The following LYVE1 variants were observed in gnomAD, a reference collection of about 807,000 sequenced individuals.
LYVE1 encodes lymphatic vessel endothelial hyaluronan receptor 1.
Under a neutral mutation model 31.5 loss-of-function variants are expected in LYVE1, and 29 were observed. The ratio of observed to expected loss-of-function variants is 0.92; its 90% CI spans 0.69 to 1.26. The LOEUF is 1.26. LYVE1 is among the 50% of genes most tolerant of loss of function. The probability of loss-of-function intolerance (pLI) is 0.00; values close to 1 mark genes in which losing one functional copy is unlikely to be tolerated. For missense variants in LYVE1, 376 were observed against 380.2 expected, an observed-to-expected ratio of 0.99 and a Z score of 0.09; for synonymous variants, 134 against 139.4, an observed-to-expected ratio of 0.96 and a Z score of 0.27.
chr11:10,560,421 A>G, intron 4 of LYVE1, 74 bp downstream of exon 4: 1 of 1,344,698 alleles, frequency 7.4e-7, no homozygotes, highest in Non-Finnish European at 1.0e-6. Flanking sequence ...ATCTAAAGAC[A>G]GGCAGGATTC....
chr11:10,563,495 T>C (rs1850473430), intron 3 of LYVE1, among the ~76,000 whole-genome samples: 1 of 152,174 alleles, frequency 6.6e-6, no homozygotes, highest in African/African-American at 2.4e-5. Flanking sequence ...TGTGTGTAGG[T>C]TATATGCAAA....
chr11:10,560,147 C>G (rs1406318194), intron 4 of LYVE1, among the ~76,000 whole-genome samples: 1 of 152,200 alleles, frequency 6.6e-6, no homozygotes, highest in Non-Finnish European at 1.5e-5. Context: ...TTGAGACCTA[C>G]TCTAGTCAAC....
In LYVE1 at chr11:10,558,904, T is replaced by C. The variant is rs1033821012; in HGVS notation, c.*207A>G. ...GTGGGAAGCTTTGGAGGTAGGAGGA[T>C]AGGATCCAGACAGGGTTACAATAAG... On this transcript the variant is annotated 3_prime_UTR_variant, in exon 6 of 6. Transcript: ENST00000256178. 2.0e-6 allele frequency: 1 copy of C among 507,978 alleles called. No individual in the cohort carries two copies. The allele number at this position is 507,978 out of a possible 1,614,324, so 31.5% of individuals were successfully genotyped here.
intron 3 of LYVE1, among the ~76,000 whole-genome samples, 184 bp downstream of exon 3, chr11:10,563,756 C>T (rs1006219890): frequency 6.6e-6 from 1 of 152,186 alleles, no homozygotes; most frequent in Admixed American, 6.5e-5. Context: ...TATATCTCTC[C>T]TAACTTTTTC....
rs1353253074 is a variant in LYVE1, at chr11:10,557,588, C to G, written c.*1523G>C. ...TCAAAAGTGAGACGAATGAGCCATC[C>G]TGGATCTCTGGCTCCCTGGTGAATT... On this transcript the variant is annotated 3_prime_UTR_variant, in exon 6 of 6. Coordinates refer to ENST00000256178, the MANE Select transcript of LYVE1 (RefSeq NM_006691.4). 2 of 152,174 alleles carry G rather than the reference C, an allele frequency of 1.3e-5. No individual in the cohort carries two copies. The highest frequency in any genetic ancestry group is 1.5e-5 in the Non-Finnish European group (1 of 68,066). 9.4% of individuals were successfully genotyped at this position (152,174 alleles called of 1,614,324 possible).
At position 10,559,039 on chromosome 11, in the gene LYVE1, T is replaced by G; in HGVS notation, c.*72A>C. ...TCTTTGGTTCTTTGGCCCTTTTGAT[T>G]TCCCCAGCTGGGGCAGGGTAAGGAG... On this transcript the variant is annotated 3_prime_UTR_variant, in exon 6 of 6. Coordinates refer to ENST00000256178, the MANE Select transcript of LYVE1 (RefSeq NM_006691.4). 2 of 1,428,880 alleles carry G rather than the reference T, an allele frequency of 1.4e-6. No homozygotes were observed. The highest frequency in any genetic ancestry group is 1.9e-6 in the Non-Finnish European group (2 of 1,044,918). The allele number at this position is 1,428,880 out of a possible 1,614,324, so 88.5% of individuals were successfully genotyped here. A position where few individuals can be genotyped will look rare whatever the true frequency, so the allele number is the denominator to read the frequency against.
chr11:10,557,223 TGTG>T lies in LYVE1; in HGVS notation c.*1885_*1887del, dbSNP rs1159582400. ...GTGTGCAACAGAGAGTCATGAGGAC[TGTG>T]GTGAAACAAAAAGAGCAGACCCCAT... On this transcript the variant is annotated 3_prime_UTR_variant, in exon 6 of 6. Transcript: ENST00000256178. The T allele has an allele frequency of 1.3e-5, 2 of 152,148 alleles. No individual in the cohort carries two copies. The highest frequency in any genetic ancestry group is 2.9e-5 in the Non-Finnish European group (2 of 68,030). 9.4% of individuals were successfully genotyped at this position (152,148 alleles called of 1,614,324 possible). A position where few individuals can be genotyped will look rare whatever the true frequency, so the allele number is the denominator to read the frequency against.
intron 3 of LYVE1, 52 bp from the exon 4 acceptor site, chr11:10,560,852 G>C (rs1443443090): frequency 2.1e-6 from 3 of 1,435,028 alleles, no homozygotes; most frequent in Non-Finnish European, 2.9e-6. Flanking sequence ...CCTCCTAACT[G>C]TTCTTCTTGC....
chr11:10,567,872 A>T (rs183346585), intron 1 of LYVE1, among the ~76,000 whole-genome samples: 1,782 of 152,334 alleles, frequency 0.012, 18 homozygotes, highest in Non-Finnish European at 0.018. Flanking sequence ...TCAAAATTAA[A>T]ATAATTATGC....
At chr11:10,566,858 C>A (rs1298801591) in intron 1 of LYVE1, among the ~76,000 whole-genome samples, 1 of 152,086 alleles carries the variant, frequency 6.6e-6, no homozygotes, top group African/African-American at 2.4e-5. Context: ...CTAGCAGAGG[C>A]GGGGCCCAGT....
chr11:10,560,053 T>C (rs905225712), intron 4 of LYVE1, among the ~76,000 whole-genome samples, 159 bp from the exon 5 acceptor site: 1 of 152,194 alleles, frequency 6.6e-6, no homozygotes, highest in African/African-American at 2.4e-5. Flanking sequence ...CTTTGCTTCA[T>C]GCTTGTAGAA....
In LYVE1 at chr11:10,559,019, G is replaced by C. The variant is rs1591512031; in HGVS notation, c.*92C>G. The C allele has an allele frequency of 4.2e-6, 5 of 1,204,034 alleles. No homozygotes were observed. The African/African-American group carries it at 4.6e-5, about 11-fold the overall frequency. 74.6% of individuals were successfully genotyped at this position (1,204,034 alleles called of 1,614,324 possible). On this transcript the variant is annotated 3_prime_UTR_variant, in exon 6 of 6. Transcript: ENST00000256178. The stretch of plus-strand genomic sequence containing the variant: ...GAACCAAGGGTGGACTTTCTTCTTT[G>C]GTTCTTTGGCCCTTTTGATTTCCCC...
chr11:10,561,312 C>T (rs186527417), intron 3 of LYVE1, among the ~76,000 whole-genome samples: 30 of 152,300 alleles, frequency 2.0e-4, no homozygotes, highest in East Asian at 7.7e-4. Context: ...GCAGAAACCC[C>T]GTCTGTCTTG....
chr11:10,565,256 A>AC (rs756496536), intron 1 of LYVE1, among the ~76,000 whole-genome samples: 2 of 152,194 alleles, frequency 1.3e-5, no homozygotes, highest in Non-Finnish European at 2.9e-5. Context: ...ATGATTGATT[A>AC]CCCCACAGAA....
At chr11:10,559,915 G>A (rs761422124) in intron 4 of LYVE1, 21 bp from the exon 5 acceptor site, 1 of 1,562,514 alleles carries the variant, frequency 6.4e-7, no homozygotes, top group East Asian at 2.2e-5. Flanking sequence ...CAGAGACAAG[G>A]CCTGTTGGTC....
chr11:10,560,907 G>C, intron 3 of LYVE1, 107 bp from the exon 4 acceptor site: 1 of 914,728 alleles, frequency 1.1e-6, no homozygotes. Context: ...CAGCTGGAAT[G>C]GTCTTTAAAA....
rs549348229 is a variant in LYVE1 at position 10,559,060 on chromosome 11, A to G, written c.*51T>C. Reference sequence around the variant, plus strand: ...TGATTTCCCCAGCTGGGGCAGGGTAAGGAGCATGAAAGAAACCAGCCTCAG... The same window carrying G: ...TGATTTCCCCAGCTGGGGCAGGGTAGGGAGCATGAAAGAAACCAGCCTCAG... On this transcript the variant is annotated 3_prime_UTR_variant, in exon 6 of 6. Coordinates refer to ENST00000256178, the MANE Select transcript of LYVE1 (RefSeq NM_006691.4). 6.5e-7 allele frequency: 1 copy of G among 1,545,850 alleles called. No individual in the cohort carries two copies. Among genetic ancestry groups the G allele is most frequent in the African/African-American group, 1.4e-5 (1 of 72,746 alleles).
chr11:10,567,066 CAGAT>C (rs1169638717), intron 1 of LYVE1, among the ~76,000 whole-genome samples: 2 of 152,198 alleles, frequency 1.3e-5, no homozygotes, highest in Admixed American at 6.5e-5. Flanking sequence ...GCTTAGGAAT[CAGAT>C]AGGGCTGAAT....
In LYVE1 at chr11:10,560,603, AT is replaced by A. The variant is rs1241350290; in HGVS notation, c.594del (p.Lys198AsnfsTer2). 3.1e-6 allele frequency: 5 copies of A among 1,614,102 alleles called. No homozygotes were observed. The highest frequency in any genetic ancestry group is 4.2e-6 in the Non-Finnish European group (5 of 1,179,980). On this transcript the variant is annotated frameshift_variant, in exon 4 of 6. Transcript: ENST00000256178. LOFTEE classifies it high-confidence loss of function. Reference sequence around the variant, plus strand: ...ATAAAAACTTCTGTGACACAAATCAATTTTTTTCTCCGTGGAATAGAAGTGG... The same window carrying A: ...ATAAAAACTTCTGTGACACAAATCAATTTTTTCTCCGTGGAATAGAAGTGG... ...PASTSIPRRK[K>X]LICVTEVFME... is the part of the protein sequence containing the mutation.
Sources: gnomAD v4.1 joint callset for allele counts (sites outside exome capture counted in the v4.1 genomes callset) on GRCh38, gnomAD v4.1.1 for gene constraint, MANE v1.5 for transcripts, NCBI Gene and HGNC (gene_info 2026-07-23, HGNC 2026-07-21) for gene names.